The following MIPOL1 variants were observed in gnomAD, a reference collection of about 807,000 sequenced individuals.
The protein encoded by MIPOL1 is mirror-image polydactyly 1.
MIPOL1 carries 57 observed loss-of-function variants against 60.9 expected under a neutral mutation model. The ratio of observed to expected loss-of-function variants is 0.94; its 90% CI spans 0.76 to 1.17. MIPOL1 has a LOEUF of 1.17. Ranked by LOEUF, MIPOL1 falls within the 50% of genes most tolerant of loss-of-function variation. The probability of loss-of-function intolerance (pLI) is 0.00; values close to 1 mark genes in which losing one functional copy is unlikely to be tolerated. For missense variants in MIPOL1, 551 were observed against 511.6 expected (o/e 1.08, Z -0.74); for synonymous variants, 179 against 168.8 (o/e 1.06, Z -0.47).
chr14:37,342,133 G>T (rs546608647), intron 9 of MIPOL1, among the ~76,000 whole-genome samples: 1 of 152,012 alleles, frequency 6.6e-6, no homozygotes, highest in African/African-American at 2.4e-5. Context: ...AGGCCAAGGC[G>T]GGTGAATCAT....
chr14:37,481,602 CACACACACA>C (rs1342235341), intron 11 of MIPOL1, among the ~76,000 whole-genome samples: 3 of 144,790 alleles, frequency 2.1e-5, no homozygotes, highest in African/African-American at 5.1e-5. Context: ...CACACACACA[CACACACACA>C]CCGAAACCAC....
At chr14:37,358,519 C>T (rs988394847) in intron 9 of MIPOL1, among the ~76,000 whole-genome samples, 2 of 152,154 alleles carry the variant, frequency 1.3e-5, no homozygotes, top group Non-Finnish European at 2.9e-5. Flanking sequence ...ACTTTTTAAT[C>T]ATTGCCATTC....
intron 12 of MIPOL1, among the ~76,000 whole-genome samples, chr14:37,536,239 T>C (rs1004551883): frequency 1.3e-5 from 2 of 152,202 alleles, no homozygotes; most frequent in Admixed American, 6.5e-5. Flanking sequence ...TTTTCTCCCT[T>C]TTCTAAGATA....
At chr14:37,315,943 T>C (rs1311130414) in intron 9 of MIPOL1, among the ~76,000 whole-genome samples, 1 of 151,880 alleles carries the variant, frequency 6.6e-6, no homozygotes, top group Admixed American at 6.6e-5. Context: ...TGGAAGGGAA[T>C]GTTGAATGAG....
chr14:37,309,875 G>T lies in MIPOL1; in HGVS notation c.828+1356G>T, dbSNP rs116217545. ...CTAATTTTTTGGTATTTCTTGTAGA[G>T]ATAGGGTTTTGCCATGTTGGCCAGG... On this transcript the variant is annotated intron_variant, in intron 9 of 12. Coordinates refer to ENST00000684589, the MANE Select transcript of MIPOL1 (RefSeq NM_001388067.1). 5.2e-3 allele frequency among the ~76,000 whole-genome samples: 784 copies of T among 152,030 alleles called. 9 individuals carry two copies. Among genetic ancestry groups the T allele is most frequent in the African/African-American group, 0.018 (751 of 41,474 alleles).
At chr14:37,514,353 C>T (rs2095352438) in intron 12 of MIPOL1, among the ~76,000 whole-genome samples, 1 of 151,960 alleles carries the variant, frequency 6.6e-6, no homozygotes, top group Non-Finnish European at 1.5e-5. Context: ...GATTTGAATT[C>T]CCTAGGAAAA....
intron 12 of MIPOL1, among the ~76,000 whole-genome samples, chr14:37,514,381 A>G (rs1418565201): frequency 6.6e-6 from 1 of 152,172 alleles, no homozygotes; most frequent in Non-Finnish European, 1.5e-5. Context: ...AAATGACACT[A>G]ATTGTTAGTG....
At chr14:37,364,957 T>A (rs1428506505) in intron 9 of MIPOL1, among the ~76,000 whole-genome samples, 2 of 152,190 alleles carry the variant, frequency 1.3e-5, no homozygotes, top group Non-Finnish European at 2.9e-5. Flanking sequence ...TAATTTCATC[T>A]GTAGCTGTGA....
intron 9 of MIPOL1, among the ~76,000 whole-genome samples, chr14:37,336,431 G>T (rs117092829): frequency 2.3e-4 from 34 of 149,634 alleles, no homozygotes; most frequent in Non-Finnish European, 4.3e-4. Flanking sequence ...TCTCTTCTAA[G>T]TTGCTTTTCC....
chr14:37,332,476 AC>A (rs1489526766), intron 9 of MIPOL1, among the ~76,000 whole-genome samples: 1 of 152,134 alleles, frequency 6.6e-6, no homozygotes, highest in African/African-American at 2.4e-5. Context: ...CTAATAGCCT[AC>A]TGTTAACTGG....
At chr14:37,287,135 G>C (rs1174577961) in intron 7 of MIPOL1, among the ~76,000 whole-genome samples, 2 of 151,882 alleles carry the variant, frequency 1.3e-5, no homozygotes, top group African/African-American at 4.8e-5. Flanking sequence ...GTATATAATA[G>C]AGCAGGTTAT....
chr14:37,399,811 A>G (rs2093447715), intron 10 of MIPOL1: 1 of 152,180 alleles, frequency 6.6e-6, no homozygotes, highest in Admixed American at 6.5e-5. Flanking sequence ...TTAGACACTA[A>G]CACCAGTATT....
intron 7 of MIPOL1, among the ~76,000 whole-genome samples, chr14:37,296,199 T>C (rs932100490): frequency 5.3e-5 from 8 of 152,196 alleles, no homozygotes; most frequent in Non-Finnish European, 7.3e-5. Flanking sequence ...TGCTCCTGAA[T>C]GACTACTAGG....
At chr14:37,546,769 A>G (rs188904918) in intron 12 of MIPOL1, 136 bp from the exon 13 acceptor site, 15 of 683,256 alleles carry the variant, frequency 2.2e-5, no homozygotes, top group Non-Finnish European at 3.5e-5. Context: ...TGTCTCTCAC[A>G]GTAATGCTTT....
At position 37,448,802 on chromosome 14, in the gene MIPOL1, T is replaced by A. The variant is rs546918859; in HGVS notation, c.1031+25853T>A. 2.6e-5 allele frequency among the ~76,000 whole-genome samples: 4 copies of A among 152,278 alleles called. No individual in the cohort carries two copies. In the South Asian group the frequency reaches 8.3e-4, roughly 32 times the overall value. ...AATTATACTAAAAAACAAAACAGAA[T>A]CTCAAATTTCGAAATCAGTACTCTG... On this transcript the variant is annotated intron_variant, in intron 11 of 12. Coordinates refer to ENST00000684589, the MANE Select transcript of MIPOL1 (RefSeq NM_001388067.1).
At chr14:37,221,899 C>T (rs1459844612) in intron 1 of MIPOL1, among the ~76,000 whole-genome samples, 1 of 152,096 alleles carries the variant, frequency 6.6e-6, no homozygotes, top group Non-Finnish European at 1.5e-5. Context: ...AACTCATGTT[C>T]TTCTCATAAA....
intron 11 of MIPOL1, among the ~76,000 whole-genome samples, chr14:37,440,473 A>C (rs750478476): frequency 6.6e-6 from 1 of 151,700 alleles, no homozygotes; most frequent in Non-Finnish European, 1.5e-5. Flanking sequence ...TCCACTCTCT[A>C]TGTCCATGGG....
At chr14:37,490,603 G>A (rs2153605527) in intron 11 of MIPOL1, among the ~76,000 whole-genome samples, 1 of 152,328 alleles carries the variant, frequency 6.6e-6, no homozygotes. Flanking sequence ...GGAATCTCTT[G>A]GTCTGTGGGT....
chr14:37,413,892 G>T (rs571964617), intron 10 of MIPOL1, among the ~76,000 whole-genome samples: 1 of 152,148 alleles, frequency 6.6e-6, no homozygotes, highest in East Asian at 1.9e-4. Flanking sequence ...CAATGCGGGG[G>T]AGTCAAATAT....
Sources: gnomAD v4.1 joint callset for allele counts (sites outside exome capture counted in the v4.1 genomes callset) on GRCh38, gnomAD v4.1.1 for gene constraint, MANE v1.5 for transcripts, NCBI Gene and HGNC (gene_info 2026-07-23, HGNC 2026-07-21) for gene names.